Variants in TMC5 observed in about 807,000 individuals in gnomAD.
TMC5 encodes the protein transmembrane channel like 5.
TMC5 carries 86 observed loss-of-function variants against 110.5 expected under a neutral mutation model. The ratio of observed to expected loss-of-function variants is 0.78; its 90% confidence interval spans 0.65 to 0.93. The LOEUF is 0.93. Among genes scored for constraint, TMC5 ranks in the 40% least tolerant of loss-of-function variants. The pLI, the probability that TMC5 is intolerant of heterozygous loss-of-function variation, is 0.00. For synonymous variants in TMC5, 455 were observed against 439.5 expected, an observed-to-expected ratio of 1.04 and a Z score of -0.44; for missense variants, 1,144 against 1,222.8, an observed-to-expected ratio of 0.94 and a Z score of 0.96.
At chr16:19,438,390 CAA>C (rs60807937) in intron 2 of TMC5, among the ~76,000 whole-genome samples, 7 of 60,032 alleles carry the variant, frequency 1.2e-4, no homozygotes, top group African/African-American at 4.4e-4. Context: ...GACACCCTGT[CAA>C]AAAAAAAAAA....
intron 18 of TMC5, among the ~76,000 whole-genome samples, chr16:19,491,449 G>A (rs1467152029): frequency 6.6e-6 from 1 of 151,890 alleles, no homozygotes; most frequent in Non-Finnish European, 1.5e-5. Context: ...TCGTGCCACT[G>A]CACTCCAGCC....
intron 9 of TMC5, 104 bp from the exon 10 acceptor site, chr16:19,469,577 C>T (rs144065328): frequency 6.4e-6 from 9 of 1,408,696 alleles, no homozygotes; most frequent in Non-Finnish European, 6.9e-6. Context: ...TAAGTCTTCA[C>T]GTTGCCTTTC....
In TMC5 at chr16:19,440,368, T is replaced by C. The variant is rs897792956; in HGVS notation, c.330T>C (p.Tyr110=). 3.7e-6 allele frequency: 6 copies of C among 1,614,096 alleles called. No homozygotes were observed. Among genetic ancestry groups the C allele is most frequent in the Non-Finnish European group, 5.1e-6 (6 of 1,180,022 alleles). ...DHPTSLPEPD[Y]SEFQSHPYHR... ...CTACCTCTCTACCAGAGCCAGATTA[T>C]AGTGAATTTCAGAGTCATCCCTACC... is the stretch of plus-strand genomic sequence containing the variant. The change falls in exon 3 of 22, where the codon TAT becomes TAC. Residue 110 remains tyrosine (Y), a synonymous_variant. Coordinates refer to ENST00000542583, the MANE Select transcript of TMC5 (RefSeq NM_001261841.2).
intron 15 of TMC5, among the ~76,000 whole-genome samples, chr16:19,483,114 G>A (rs1428545582): frequency 6.6e-6 from 1 of 152,026 alleles, no homozygotes; most frequent in Non-Finnish European, 1.5e-5. Context: ...ACCTGCCTCA[G>A]CCTCCCAAAG....
At chr16:19,495,337 A>T (rs1014264686) in intron 20 of TMC5, among the ~76,000 whole-genome samples, 5 of 151,860 alleles carry the variant, frequency 3.3e-5, no homozygotes, top group Non-Finnish European at 7.4e-5. Flanking sequence ...ATTCTTGCAA[A>T]TCTATTTCCC....
intron 2 of TMC5, among the ~76,000 whole-genome samples, chr16:19,431,508 C>T (rs1205992410): frequency 6.6e-6 from 1 of 150,774 alleles, no homozygotes. Context: ...TGCCATTGCA[C>T]TCCAGCCTGG....
At position 19,481,404 on chromosome 16, in the gene TMC5, C is replaced by A. The variant is rs1327494939; in HGVS notation, c.2302C>A (p.Leu768Ile). The A allele has an allele frequency of 6.2e-7, 1 of 1,613,928 alleles. No individual in the cohort carries two copies. The highest frequency in any genetic ancestry group is 1.3e-5 in the African/African-American group (1 of 74,916). ...GATGCAACTGATCACAAGTCTTGGCCTTCAGGAGTTTGACATTGCCAGGAA... is the reference window on the plus strand; with the variant it reads ...GATGCAACTGATCACAAGTCTTGGCATTCAGGAGTTTGACATTGCCAGGAA... Reference protein sequence around the residue: ...IGMQLITSLGLQEFDIARNVL... With the variant: ...IGMQLITSLGIQEFDIARNVL... The change falls in exon 15 of 22, where the codon CTT (leucine) becomes ATT (isoleucine). Residue 768 changes from leucine (L) to isoleucine (I), a missense_variant. Transcript: ENST00000542583.
In TMC5 at chr16:19,436,273, G is replaced by GAAA. The variant is rs750838547; in HGVS notation, c.-79-3678_-79-3676dup. ...AAAGAGCAAAAGTTCGTCTCAAAAA[G>GAAA]AAAAAAAAAAAGAAAGGAAAAAGAA... On this transcript the variant is annotated intron_variant, in intron 2 of 21. Transcript: ENST00000542583. 9.3e-5 allele frequency among the ~76,000 whole-genome samples: 10 copies of GAAA among 107,594 alleles called. 2 individuals carry two copies. Among genetic ancestry groups the GAAA allele is most frequent in the South Asian group, 6.8e-4 (2 of 2,950 alleles). The allele number at this position is 107,594 out of a possible 152,430, so 70.6% of individuals were successfully genotyped here. A position where few individuals can be genotyped will look rare whatever the true frequency, so the allele number is the denominator to read the frequency against.
intron 14 of TMC5, 136 bp from the exon 15 acceptor site, chr16:19,481,234 T>C (rs1968610854): frequency 1.5e-6 from 1 of 664,026 alleles, no homozygotes; most frequent in Non-Finnish European, 2.7e-6. Context: ...TTTAGAACTT[T>C]TGAAAAATTT....
intron 19 of TMC5, among the ~76,000 whole-genome samples, chr16:19,493,873 C>G (rs1262083986): frequency 9.2e-6 from 1 of 108,800 alleles, no homozygotes; most frequent in Non-Finnish European, 1.8e-5. Flanking sequence ...TTTCCATATC[C>G]TACATATATC....
chr16:19,496,734 A>T lies in TMC5; in HGVS notation c.2932-387A>T, dbSNP rs375652231. Among the ~76,000 whole-genome samples, 11 of 152,020 alleles carry T rather than the reference A, an allele frequency of 7.2e-5. 1 individual carries two copies. The highest frequency in any genetic ancestry group is 2.1e-4 in the South Asian group (1 of 4,816). ...ACCCTGTCTCTACTAAAAATAAAAAAAAAAAATTAGCTGGGCGTGGTGGCA... is the reference window on the plus strand; with the variant it reads ...ACCCTGTCTCTACTAAAAATAAAAATAAAAAATTAGCTGGGCGTGGTGGCA... On this transcript the variant is annotated intron_variant, in intron 20 of 21. Transcript: ENST00000542583.
intron 21 of TMC5, 41 bp downstream of exon 21, chr16:19,497,204 T>C (rs759142086): frequency 1.3e-5 from 21 of 1,588,664 alleles, no homozygotes; most frequent in Non-Finnish European, 1.7e-5. Context: ...ACTAATTTAT[T>C]TCTGGTGAAA....
At chr16:19,421,379 T>C (rs1273282081) in intron 1 of TMC5, among the ~76,000 whole-genome samples, 3 of 152,134 alleles carry the variant, frequency 2.0e-5, no homozygotes, top group African/African-American at 7.2e-5. Context: ...GTTTTTCCCA[T>C]GCTGTTCTCA....
intron 3 of TMC5, among the ~76,000 whole-genome samples, chr16:19,443,211 T>C (rs190554578): frequency 6.6e-6 from 1 of 152,358 alleles, no homozygotes; most frequent in African/African-American, 2.4e-5. Flanking sequence ...CCTTCAGAAC[T>C]TCTGATTCAA....
chr16:19,431,115 T>C (rs1405608928), intron 2 of TMC5, among the ~76,000 whole-genome samples: 1 of 152,212 alleles, frequency 6.6e-6, no homozygotes, highest in East Asian at 1.9e-4. Context: ...TTTCATAATT[T>C]TAACTGTGGG....
chr16:19,492,522 G>A (rs1009961361), intron 19 of TMC5, among the ~76,000 whole-genome samples: 2 of 151,168 alleles, frequency 1.3e-5, no homozygotes, highest in Admixed American at 6.6e-5. Context: ...CTCGGCTCAC[G>A]GCAACTTCTG....
intron 9 of TMC5, among the ~76,000 whole-genome samples, chr16:19,466,472 C>T (rs1349405197): frequency 6.6e-6 from 1 of 152,144 alleles, no homozygotes; most frequent in African/African-American, 2.4e-5. Flanking sequence ...CTTCCTCAGC[C>T]TCCCGAGTAG....
chr16:19,487,383 T>C, intron 17 of TMC5, 57 bp downstream of exon 17: 1 of 1,566,732 alleles, frequency 6.4e-7, no homozygotes, highest in Non-Finnish European at 8.6e-7. Context: ...GGTGTGTGTT[T>C]TAAAACGTAG....
chr16:19,486,946 A>G lies in TMC5; in HGVS notation c.2365A>G (p.Ile789Val). 6.2e-7 allele frequency: 1 copy of G among 1,613,810 alleles called. No individual in the cohort carries two copies. The highest frequency in any genetic ancestry group is 1.3e-5 in the African/African-American group (1 of 74,984). Reference protein sequence around the residue: ...ELIYAQTLVWIGIFFCPLLPF... With the variant: ...ELIYAQTLVWVGIFFCPLLPF... ...ACACTCACCCTCTCTCCCTCACAGGATTGGCATCTTCTTCTGCCCCCTGCT... is the reference window on the plus strand; with the variant it reads ...ACACTCACCCTCTCTCCCTCACAGGGTTGGCATCTTCTTCTGCCCCCTGCT... Residue 789 changes from isoleucine to valine, a missense_variant and splice_region_variant, in exon 16 of 22, where the codon ATT (isoleucine) becomes GTT (valine). Ile to Val is a conservative substitution (Grantham distance 29). Transcript: ENST00000542583.
Sources: allele counts gnomAD v4.1 joint callset (sites outside exome capture counted in the v4.1 genomes callset), GRCh38; gene constraint gnomAD v4.1.1; transcripts MANE v1.5; gene names NCBI Gene and HGNC (gene_info 2026-07-23, HGNC 2026-07-21).